STAT2: variants seen among roughly 807,000 people sequenced by gnomAD.
The protein encoded by STAT2 is interferon alpha induced transcriptional activator.
STAT2 carries 51 observed loss-of-function variants against 122.3 expected under a neutral mutation model. That is an observed-to-expected ratio of 0.42 (90% confidence interval 0.33 to 0.53). The LOEUF is 0.53. STAT2 is among the 20% of genes least tolerant of loss of function. STAT2 has a pLI of 0.10. For missense variants in STAT2, 736 were observed against 1,010.3 expected (o/e 0.73, Z 3.68); for synonymous variants, 351 against 394.9 (o/e 0.89, Z 1.32).
Position 56,343,996 on chromosome 12 carries a change from C to T in STAT2, c.2242G>A (p.Gly748Arg). Reference sequence around the variant, plus strand: ...TCCAGCACAGACTCTAGCTCTGGCCCCAGATCCAGCCCTGCCTTCAGCAGT... The same window carrying T: ...TCCAGCACAGACTCTAGCTCTGGCCTCAGATCCAGCCCTGCCTTCAGCAGT... Reference protein sequence around the residue: ...EPLLKAGLDLGPELESVLEST... With the variant: ...EPLLKAGLDLRPELESVLEST... Residue 748 changes from glycine (G) to arginine (R), a missense_variant, in exon 23 of 24, where the codon GGG becomes AGG. Physicochemically the swap from Gly to Arg is moderately radical, Grantham distance 125. Transcript: ENST00000314128. 1 of 1,614,174 alleles carries T rather than the reference C, an allele frequency of 6.2e-7. No individual in the cohort carries two copies. Among genetic ancestry groups the T allele is most frequent in the South Asian group, 1.1e-5 (1 of 91,074 alleles).
At chr12:56,347,434 G>A (rs1387287640) in intron 19 of STAT2, among the ~76,000 whole-genome samples, 2 of 152,044 alleles carry the variant, frequency 1.3e-5, no homozygotes, top group Non-Finnish European at 2.9e-5. Flanking sequence ...CAAGTGATCT[G>A]TACTCCTCAG....
Position 56,355,529 on chromosome 12 carries a change from G to C in STAT2, c.385C>G (p.Gln129Glu), listed in dbSNP as rs776916090. ...LIQAQRAQLEQGEPVLETPVE... is the reference protein window; with the variant it reads ...LIQAQRAQLEEGEPVLETPVE... ...GGTGTTTCGAGAACTGGCTCTCCTT[G>C]TTCCTGAAAAAAGAGGCTCTGAGCA... The change falls in exon 5 of 24, where the codon CAA becomes GAA. Residue 129 changes from glutamine (Q) to glutamate (E), a missense_variant. Physicochemically the swap from Gln to Glu is conservative, Grantham distance 29. Coordinates refer to ENST00000314128, the MANE Select transcript of STAT2 (RefSeq NM_005419.4). 1.9e-6 allele frequency: 3 copies of C among 1,614,086 alleles called. No homozygotes were observed. The highest frequency in any genetic ancestry group is 1.7e-5 in the Admixed American group (1 of 60,012).
intron 8 of STAT2, among the ~76,000 whole-genome samples, chr12:56,354,059 TA>T (rs1170642104): frequency 3.2e-5 from 3 of 92,670 alleles, no homozygotes; most frequent in East Asian, 3.4e-4. Flanking sequence ...CTGTTAAGCT[TA>T]AAAAAAACCC....
rs528358428 is a variant in STAT2, at chr12:56,346,178, G to A, written c.2070C>T (p.Tyr690=). The change falls in exon 22 of 24, where the codon TAC becomes TAT. Residue 690 remains tyrosine (Y), a synonymous_variant. Coordinates refer to ENST00000314128, the MANE Select transcript of STAT2 (RefSeq NM_005419.4). ...AGACCACAATGAGCCTGTGTTTCAG[G>A]TATTTCCTCCGTTCCTGGAGATTAA... ...EKVNLQERRK[Y]LKHRLIVVSN... is the part of the protein sequence containing the mutation. The A allele has an allele frequency of 3.1e-6, 5 of 1,614,190 alleles. No individual in the cohort carries two copies. In the African/African-American group the frequency reaches 5.3e-5, roughly 17 times the overall value.
chr12:56,350,977 G>C, intron 10 of STAT2, 89 bp from the exon 11 acceptor site: 1 of 1,575,196 alleles, frequency 6.3e-7, no homozygotes, highest in Non-Finnish European at 8.7e-7. Context: ...GGGATTATAA[G>C]AGGTAGGGAG....
intron 1 of STAT2, among the ~76,000 whole-genome samples, chr12:56,357,835 C>T (rs762532972): frequency 2.0e-5 from 3 of 151,702 alleles, no homozygotes; most frequent in Non-Finnish European, 2.9e-5. Flanking sequence ...CTCAGCCCCT[C>T]AAGGAGCTGG....
chr12:56,351,734 A>G (rs191213143), intron 8 of STAT2, among the ~76,000 whole-genome samples: 1 of 152,302 alleles, frequency 6.6e-6, no homozygotes, highest in Non-Finnish European at 1.5e-5. Context: ...AATGCATTTA[A>G]TCCTCAAAAC....
chr12:56,346,120 G>A (rs1296866942), intron 22 of STAT2, 26 bp downstream of exon 22: 32 of 1,613,962 alleles, frequency 2.0e-5, no homozygotes, highest in Non-Finnish European at 2.6e-5. Context: ...GGATTAGGGA[G>A]GATGAATGAA....
rs1340098251 is a variant in STAT2 at position 56,356,136 on chromosome 12, A to G, written c.281T>C (p.Ile94Thr). The G allele has an allele frequency of 1.2e-6, 2 of 1,613,660 alleles. No individual in the cohort carries two copies. The highest frequency in any genetic ancestry group is 1.7e-6 in the Non-Finnish European group (2 of 1,179,774). The part of the protein sequence containing the change: ...QHNLRKFCRD[I>T]QPFSQDPTQL... ...ACTCCCAACCGTTCCAAGTACCTGA[A>G]TGTCCCGGCAGAATTTCCGCAAATT... Residue 94 changes from isoleucine to threonine, a missense_variant, in exon 3 of 24, where the codon ATT becomes ACT. Physicochemically the swap from Ile to Thr is moderately conservative, Grantham distance 89. Coordinates refer to ENST00000314128, the MANE Select transcript of STAT2 (RefSeq NM_005419.4).
intron 13 of STAT2, chr12:56,349,871 A>G (rs1220840324): frequency 1.5e-6 from 1 of 647,738 alleles, no homozygotes; most frequent in Non-Finnish European, 2.7e-6. Context: ...CAATATGGTG[A>G]AACCCTATCT....
In STAT2 at chr12:56,348,793, T is replaced by C; in HGVS notation, c.1588A>G (p.Arg530Gly). ...CAGGACAATAATGGATCCTCAGTCC[T>C]ACAGTTCTGCCCTGTGGGACAGATA... ...LRNKLFGQNC[R>G]TEDPLLSWAD... Residue 530 changes from arginine to glycine, a missense_variant, in exon 18 of 24, where the codon AGG (arginine) becomes GGG (glycine). Transcript: ENST00000314128. 1 of 1,614,136 alleles carries C rather than the reference T, an allele frequency of 6.2e-7. No individual in the cohort carries two copies. The highest frequency in any genetic ancestry group is 8.5e-7 in the Non-Finnish European group (1 of 1,180,026).
At chr12:56,354,010 A>ATATATATATATAT (rs1555171450) in intron 8 of STAT2, among the ~76,000 whole-genome samples, 7 of 19,616 alleles carry the variant, frequency 3.6e-4, no homozygotes, top group Non-Finnish European at 1.1e-3. Flanking sequence ...AAAAAAAAAA[A>ATATATATATATAT]AAAAAAATAT....
At chr12:56,349,758 C>A in intron 13 of STAT2, 122 bp from the exon 14 acceptor site, 1 of 1,335,806 alleles carries the variant, frequency 7.5e-7, no homozygotes, top group South Asian at 1.2e-5. Flanking sequence ...TTCCTTTGGA[C>A]TAAAAGCAGG....
At chr12:56,351,501 C>T (rs1565654841) in intron 8 of STAT2, 51 bp from the exon 9 acceptor site, 1 of 1,577,242 alleles carries the variant, frequency 6.3e-7, no homozygotes. Flanking sequence ...CTGGATTCCC[C>T]CATCCAGGTT....
At chr12:56,358,511 G>A (rs1879876239) in intron 1 of STAT2, among the ~76,000 whole-genome samples, 1 of 152,156 alleles carries the variant, frequency 6.6e-6, no homozygotes. Flanking sequence ...CTCCCAAAGT[G>A]CTGGGATTAC....
At chr12:56,353,901 C>T (rs947624256) in intron 8 of STAT2, among the ~76,000 whole-genome samples, 3 of 144,492 alleles carry the variant, frequency 2.1e-5, no homozygotes, top group Non-Finnish European at 4.5e-5. Flanking sequence ...GAGGCTGAGA[C>T]AGGAGAATTG....
At chr12:56,343,746 C>CT in intron 23 of STAT2, 79 bp downstream of exon 23, 1 of 1,575,680 alleles carries the variant, frequency 6.3e-7, no homozygotes, top group Non-Finnish European at 8.6e-7. Flanking sequence ...TGGAGTTCAG[C>CT]TTTTTCTGTA....
intron 19 of STAT2, among the ~76,000 whole-genome samples, chr12:56,348,278 G>A (rs957229341): frequency 2.1e-4 from 32 of 151,376 alleles, no homozygotes; most frequent in Non-Finnish European, 4.1e-4. Flanking sequence ...TAGTAGAGAC[G>A]GGGTTTCACC....
chr12:56,351,057 G>C (rs1339753523), intron 10 of STAT2, 41 bp downstream of exon 10: 4 of 1,603,316 alleles, frequency 2.5e-6, no homozygotes, highest in African/African-American at 2.7e-5. Flanking sequence ...ACAGTGGCAG[G>C]GTTGGAAAAA....
Sources: allele counts gnomAD v4.1 joint callset (sites outside exome capture counted in the v4.1 genomes callset), GRCh38; gene constraint gnomAD v4.1.1; transcripts MANE v1.5; gene names NCBI Gene and HGNC (gene_info 2026-07-23, HGNC 2026-07-21).